Variants in SHANK2 observed in about 807,000 individuals in gnomAD.
SHANK2 encodes SH3 and multiple ankyrin repeat domains 2.
SHANK2 carries 43 observed loss-of-function variants against 133.7 expected under a neutral mutation model. That is an observed-to-expected ratio of 0.32 (90% confidence interval 0.25 to 0.41). SHANK2 has a LOEUF of 0.41. SHANK2 is among the 10% of genes least tolerant of loss of function. SHANK2 has a pLI of 1.00. For missense variants in SHANK2, 1,994 were observed against 2,235.8 expected (o/e 0.89, Z 2.18); for synonymous variants, 1,017 against 952.8 (o/e 1.07, Z -1.24).
intron 2 of SHANK2, among the ~76,000 whole-genome samples, chr11:71,186,958 C>T (rs782343650): frequency 3.9e-5 from 6 of 152,158 alleles, no homozygotes; most frequent in Admixed American, 6.5e-5. Context: ...GTGCAATTGC[C>T]GATTCCTCCT....
chr11:70,946,723 C>A lies in SHANK2; in HGVS notation c.1108-50156G>T, dbSNP rs562852331. On this transcript the variant is annotated intron_variant, in intron 10 of 25. Coordinates refer to ENST00000601538, the MANE Select transcript of SHANK2 (RefSeq NM_012309.5). The stretch of plus-strand genomic sequence containing the variant: ...AGACTCACCCTCCCTCTCCACTAAC[C>A]AACCCTTCCCTAGGCTCAACCTCCC... Among the ~76,000 whole-genome samples, 185 of 148,884 alleles carry A rather than the reference C, an allele frequency of 1.2e-3. 1 individual carries two copies. The highest frequency in any genetic ancestry group is 4.4e-3 in the African/African-American group (175 of 40,170).
In SHANK2 at chr11:70,804,141, T is replaced by G. The variant is rs573269263; in HGVS notation, c.1663+2861A>C. ...GTTTCTCTGGAAACCCTCCCAGACC[T>G]GCCCCTGCCAGCCAGGCAGCTGGGT... On this transcript the variant is annotated intron_variant, in intron 13 of 25. Transcript: ENST00000601538. This position sits in a 1 kb window ranked among gnomAD's most constrained non-coding sequence, Gnocchi z 4.1. 1.4e-3 allele frequency among the ~76,000 whole-genome samples: 210 copies of G among 152,244 alleles called. 3 individuals carry two copies. The highest frequency in any genetic ancestry group is 4.8e-3 in the African/African-American group (200 of 41,566).
intron 2 of SHANK2, among the ~76,000 whole-genome samples, chr11:71,187,627 C>T (rs1160405761): frequency 2.0e-5 from 3 of 152,186 alleles, no homozygotes; most frequent in African/African-American, 7.2e-5. Flanking sequence ...AGGAACCGTT[C>T]TTCATGGGTT....
At chr11:70,904,264 G>A (rs116631075) in intron 10 of SHANK2, among the ~76,000 whole-genome samples, 2,020 of 152,332 alleles carry the variant, frequency 0.013, 43 homozygotes, top group African/African-American at 0.045. Context: ...GGGCCCGAGC[G>A]TGTTCAGGAG....
Position 71,196,653 on chromosome 11 carries a change from G to A in SHANK2, c.-13+28044C>T, listed in dbSNP as rs114100971. 7.6e-3 allele frequency among the ~76,000 whole-genome samples: 1,159 copies of A among 152,010 alleles called. 14 individuals are homozygous for A. The highest frequency in any genetic ancestry group is 0.026 in the African/African-American group (1,067 of 41,478). ...GTCCTAGAAATGTCAAAGGCTCTCT[G>A]GCACAACAAACCAGGGGTCTCCCTG... is the stretch of plus-strand genomic sequence containing the variant. On this transcript the variant is annotated intron_variant, in intron 2 of 25. Transcript: ENST00000601538.
At chr11:71,073,123 T>A (rs1356051144) in intron 9 of SHANK2, among the ~76,000 whole-genome samples, 1 of 148,508 alleles carries the variant, frequency 6.7e-6, no homozygotes, top group African/African-American at 2.5e-5. Context: ...AAGGCTTGCT[T>A]TTTGTTTTTT....
intron 21 of SHANK2, among the ~76,000 whole-genome samples, chr11:70,495,648 C>T (rs1463483289): frequency 6.6e-6 from 1 of 152,172 alleles, no homozygotes; most frequent in Non-Finnish European, 1.5e-5. Context: ...GGACCTGCTT[C>T]CTGACAGTGC....
chr11:70,473,397 C>G lies in SHANK2; in HGVS notation c.5022G>C (p.Thr1674=). 6.2e-7 allele frequency: 1 copy of G among 1,608,680 alleles called. No homozygotes were observed. Among genetic ancestry groups the G allele is most frequent in the Non-Finnish European group, 8.5e-7 (1 of 1,179,982 alleles). The change falls in exon 26 of 26, where the codon ACG becomes ACC. Residue 1674 remains threonine, a synonymous_variant. Transcript: ENST00000601538. This position sits in a 1 kb window ranked among gnomAD's most constrained non-coding sequence, Gnocchi z 5.9. ...IMSTISGTRS[T]TVTFTVRPGT... ...CGGGGCGAACAGTGAAGGTGACCGT[C>G]GTGCTCCGTGTACCTGAGATGGTGC...
intron 2 of SHANK2, among the ~76,000 whole-genome samples, chr11:71,172,505 G>A (rs1295794933): frequency 6.6e-6 from 1 of 150,514 alleles, no homozygotes; most frequent in African/African-American, 2.4e-5. Context: ...GGCTGAAGCA[G>A]GAGAATCGCT....
At chr11:70,838,615 C>T (rs539324311) in intron 11 of SHANK2, among the ~76,000 whole-genome samples, 2 of 152,220 alleles carry the variant, frequency 1.3e-5, no homozygotes, top group South Asian at 4.1e-4. Context: ...TATCAAGCTC[C>T]TCTAACATGC....
intron 15 of SHANK2, 141 bp from the exon 16 acceptor site, chr11:70,661,819 G>A (rs1318814485): frequency 1.9e-6 from 3 of 1,610,412 alleles, no homozygotes; most frequent in Non-Finnish European, 2.5e-6. Context: ...GAGGAAAGGA[G>A]GCAGCGAGGG....
intron 8 of SHANK2, among the ~76,000 whole-genome samples, chr11:71,086,959 C>G (rs1314808918): frequency 6.6e-6 from 1 of 152,214 alleles, no homozygotes; most frequent in African/African-American, 2.4e-5. Context: ...CTTTCATGAA[C>G]AGGCAGCAGA....
intron 17 of SHANK2, among the ~76,000 whole-genome samples, chr11:70,510,785 G>A (rs1477735502): frequency 2.0e-5 from 3 of 152,198 alleles, no homozygotes; most frequent in African/African-American, 7.2e-5. Flanking sequence ...GGCACACAAA[G>A]GGTGGAGCCC....
At chr11:70,514,688 T>C (rs1554969735) in intron 17 of SHANK2, among the ~76,000 whole-genome samples, 1 of 152,220 alleles carries the variant, frequency 6.6e-6, no homozygotes, top group African/African-American at 2.4e-5. Context: ...GAATGTATAC[T>C]GTAATCCTTG....
At chr11:71,241,793 G>A (rs1326832977) in intron 1 of SHANK2, among the ~76,000 whole-genome samples, 1 of 152,196 alleles carries the variant, frequency 6.6e-6, no homozygotes, top group Non-Finnish European at 1.5e-5. Context: ...GAAAGGTGGG[G>A]CCTCCTTCTG....
intron 11 of SHANK2, among the ~76,000 whole-genome samples, chr11:70,840,640 T>G (rs1555061417): frequency 6.6e-6 from 1 of 152,206 alleles, no homozygotes; most frequent in African/African-American, 2.4e-5. Context: ...AGCCACATAC[T>G]GTAGCTCAGT....
At chr11:71,200,809 A>G (rs1413784830) in intron 2 of SHANK2, among the ~76,000 whole-genome samples, 1 of 150,604 alleles carries the variant, frequency 6.6e-6, no homozygotes, top group East Asian at 1.9e-4. Flanking sequence ...CAGACCACAG[A>G]GAGGTATCAA....
At chr11:70,489,384 C>G (rs547074108) in intron 23 of SHANK2, 36 bp from the exon 24 acceptor site, 1 of 1,610,898 alleles carries the variant, frequency 6.2e-7, no homozygotes, top group Non-Finnish European at 8.5e-7. Flanking sequence ...TAACCAGTAA[C>G]CGCAAGACAA....
At chr11:70,690,289 C>T (rs1945248915) in intron 15 of SHANK2, among the ~76,000 whole-genome samples, 1 of 151,766 alleles carries the variant, frequency 6.6e-6, no homozygotes, top group Non-Finnish European at 1.5e-5. Flanking sequence ...TCAGAAACTC[C>T]AGGAAAAACA....
Sources: gnomAD v4.1 joint callset for allele counts (sites outside exome capture counted in the v4.1 genomes callset) on GRCh38, gnomAD v4.1.1 for gene constraint, Gnocchi (gnomAD v3.1) non-coding constraint, MANE v1.5 for transcripts, NCBI Gene and HGNC (gene_info 2026-07-23, HGNC 2026-07-21) for gene names.